STIM2: variants seen among roughly 807,000 people sequenced by gnomAD.
STIM2 encodes stromal interaction molecule 2.
STIM2 carries 31 observed loss-of-function variants against 85.8 expected under a neutral mutation model. The ratio of observed to expected loss-of-function variants is 0.36; its 90% CI spans 0.27 to 0.49. STIM2 has a LOEUF of 0.49. Among genes scored for constraint, STIM2 ranks in the 20% least tolerant of loss-of-function variants. The pLI, the probability that STIM2 is intolerant of heterozygous loss-of-function variation, is 0.98. For synonymous variants in STIM2, 356 were observed against 331.1 expected, an observed-to-expected ratio of 1.08 and a Z score of -0.82; for missense variants, 841 against 927.6, an observed-to-expected ratio of 0.91 and a Z score of 1.21.
rs1165997770 is a variant in STIM2 at position 26,919,550 on chromosome 4, A to G, written c.198A>G (p.Arg66=). 2 of 1,613,586 alleles carry G rather than the reference A, an allele frequency of 1.2e-6. No individual in the cohort carries two copies. The highest frequency in any genetic ancestry group is 2.7e-5 in the African/African-American group (2 of 74,912). Residue 66 remains arginine, a synonymous_variant, in exon 2 of 12, where the codon AGA becomes AGG. Coordinates refer to ENST00000467087, the MANE Select transcript of STIM2 (RefSeq NM_020860.4). ...CACCATGCTTTACAGAAGAAGACAG[A>G]TTTAGTCTGGAAGCTCTTCAAACAA... is the stretch of plus-strand genomic sequence containing the variant.
At chr4:26,919,389 T>G in intron 1 of STIM2, 115 bp from the exon 2 acceptor site, 2 of 1,357,464 alleles carry the variant, frequency 1.5e-6, no homozygotes, top group South Asian at 2.6e-5. Flanking sequence ...TTAAAGTCTC[T>G]TAGTTTAACT....
chr4:26,990,544 G>A (rs1727731337), intron 3 of STIM2, among the ~76,000 whole-genome samples: 1 of 152,042 alleles, frequency 6.6e-6, no homozygotes, highest in Non-Finnish European at 1.5e-5. Context: ...AGCTTTTTGG[G>A]TTAAGACCTG....
At chr4:26,964,655 A>G (rs16878655) in intron 3 of STIM2, among the ~76,000 whole-genome samples, 24,161 of 152,050 alleles carry the variant, frequency 0.16, 2,056 homozygotes, top group Middle Eastern at 0.3. Flanking sequence ...ACTGATTCAT[A>G]CAGGAAAAAT....
chr4:26,916,946 T>G (rs575119283), intron 1 of STIM2, among the ~76,000 whole-genome samples: 8 of 152,284 alleles, frequency 5.3e-5, no homozygotes, highest in African/African-American at 1.9e-4. Context: ...TCTTATCTCT[T>G]TAATTCCTAA....
rs1729030382 is a variant in STIM2, at chr4:27,024,764, A to G, written c.*1768A>G. On this transcript the variant is annotated 3_prime_UTR_variant, in exon 12 of 12. Coordinates refer to ENST00000467087, the MANE Select transcript of STIM2 (RefSeq NM_020860.4). Reference sequence around the variant, plus strand: ...GGTTGAAAGCTGTTGGAGAGGGGAAAAGTTGTGCATAAAGAACTGAAAAGG... The same window carrying G: ...GGTTGAAAGCTGTTGGAGAGGGGAAGAGTTGTGCATAAAGAACTGAAAAGG... 6.6e-6 allele frequency: 1 copy of G among 152,264 alleles called. No homozygotes were observed. 9.4% of individuals were successfully genotyped at this position (152,264 alleles called of 1,614,324 possible). A position where few individuals can be genotyped will look rare whatever the true frequency, so the allele number is the denominator to read the frequency against.
chr4:26,971,002 A>T (rs1477580684), intron 3 of STIM2, among the ~76,000 whole-genome samples: 1 of 152,228 alleles, frequency 6.6e-6, no homozygotes, highest in Non-Finnish European at 1.5e-5. Context: ...AGTGATGATG[A>T]ACATTTTTTC....
At chr4:26,934,250 A>G (rs1725316263) in intron 2 of STIM2, among the ~76,000 whole-genome samples, 1 of 151,990 alleles carries the variant, frequency 6.6e-6, no homozygotes, top group South Asian at 2.1e-4. Context: ...ATAAAATTAA[A>G]TGTAAATGTA....
intron 1 of STIM2, among the ~76,000 whole-genome samples, chr4:26,867,036 G>A (rs780021312): frequency 6.6e-6 from 1 of 152,074 alleles, no homozygotes; most frequent in Non-Finnish European, 1.5e-5. Flanking sequence ...TGGCAATGAG[G>A]AGATAACAGA....
intron 3 of STIM2, among the ~76,000 whole-genome samples, chr4:26,979,920 A>G (rs1194769562): frequency 6.6e-6 from 1 of 152,112 alleles, no homozygotes; most frequent in African/African-American, 2.4e-5. Flanking sequence ...AACATTTTCT[A>G]TTTTTCTTTT....
intron 1 of STIM2, among the ~76,000 whole-genome samples, chr4:26,876,756 A>G (rs1722829694): frequency 6.6e-6 from 1 of 152,088 alleles, no homozygotes; most frequent in Non-Finnish European, 1.5e-5. Context: ...GTGTTTAATT[A>G]TTGGATTATA....
rs1553845055 is a variant in STIM2 at position 26,885,871 on chromosome 4, A to ATATG, written c.151+24506_151+24509dup. On this transcript the variant is annotated intron_variant, in intron 1 of 11. Transcript: ENST00000467087. ...TATATATATATATATATATATATAT[A>ATATG]TATGTATATGTCTATTCATGTAAAT... is the stretch of plus-strand genomic sequence containing the variant. 1.2e-3 allele frequency among the ~76,000 whole-genome samples: 144 copies of ATATG among 117,860 alleles called. 2 individuals are homozygous for ATATG. The highest frequency in any genetic ancestry group is 4.5e-3 in the African/African-American group (134 of 29,626). The allele number at this position is 117,860 out of a possible 152,430, so 77.3% of individuals were successfully genotyped here.
At chr4:26,943,093 T>C (rs1007916370) in intron 2 of STIM2, among the ~76,000 whole-genome samples, 1 of 152,180 alleles carries the variant, frequency 6.6e-6, no homozygotes, top group South Asian at 2.1e-4. Context: ...TCATCCTTGA[T>C]GTTTTGTGAT....
Position 27,017,654 on chromosome 4 carries a change from T to A in STIM2, c.1490-57T>A, listed in dbSNP as rs1728771960. 3.1e-6 allele frequency: 5 copies of A among 1,595,132 alleles called. No homozygotes were observed. The East Asian group carries it at 1.1e-4, about 36-fold the overall frequency. On this transcript the variant is annotated intron_variant, in intron 10 of 11. Transcript: ENST00000467087. The stretch of plus-strand genomic sequence containing the variant: ...TTCTCTTGTGTGTATGTATTTGTGG[T>A]GACTGTAAAGGGAACCCTGGACTTC...
At chr4:26,885,865 A>ATG (rs1723222335) in intron 1 of STIM2, among the ~76,000 whole-genome samples, 3 of 120,636 alleles carry the variant, frequency 2.5e-5, no homozygotes, top group South Asian at 2.6e-4. Context: ...ATATATATAT[A>ATG]TATATATATG....
intron 3 of STIM2, among the ~76,000 whole-genome samples, chr4:26,984,810 T>C (rs1229567340): frequency 6.6e-6 from 1 of 152,230 alleles, no homozygotes; most frequent in Non-Finnish European, 1.5e-5. Context: ...GTGTCCCCTG[T>C]ACCACTGTTG....
intron 3 of STIM2, among the ~76,000 whole-genome samples, chr4:26,961,510 C>T (rs1167427660): frequency 6.6e-6 from 1 of 152,042 alleles, no homozygotes; most frequent in East Asian, 1.9e-4. Flanking sequence ...TGCATTGGAT[C>T]CTGGGGATTA....
At chr4:26,912,292 A>G (rs1724374609) in intron 1 of STIM2, among the ~76,000 whole-genome samples, 1 of 152,136 alleles carries the variant, frequency 6.6e-6, no homozygotes, top group Non-Finnish European at 1.5e-5. Context: ...TGCAGTCCTT[A>G]GTTTGTGATT....
chr4:26,914,247 AATGTG>A, intron 1 of STIM2, among the ~76,000 whole-genome samples: 1 of 152,232 alleles, frequency 6.6e-6, no homozygotes, highest in East Asian at 1.9e-4. Flanking sequence ...GGCAAAGTGA[AATGTG>A]TAACACTTAA....
chr4:26,985,682 AAC>A (rs1257196298), intron 3 of STIM2, among the ~76,000 whole-genome samples: 2 of 152,302 alleles, frequency 1.3e-5, no homozygotes, highest in African/African-American at 4.8e-5. Context: ...TACTGTTTGT[AAC>A]AGTCTGTACT....
Sources: gnomAD v4.1 joint callset for allele counts (sites outside exome capture counted in the v4.1 genomes callset) on GRCh38, gnomAD v4.1.1 for gene constraint, MANE v1.5 for transcripts, NCBI Gene and HGNC (gene_info 2026-07-23, HGNC 2026-07-21) for gene names.